The following RPL7A variants were observed in gnomAD, a reference collection of about 807,000 sequenced individuals.
RPL7A encodes ribosomal protein L7a.
For missense variants in RPL7A, 291 were observed against 338.2 expected, an observed-to-expected ratio of 0.86 and a Z score of 1.09; for synonymous variants, 158 against 128.2, an observed-to-expected ratio of 1.23 and a Z score of -1.57.
Position 133,349,896 on chromosome 9 carries a change from AAG to A in RPL7A, c.275-13_275-12del, listed in dbSNP as rs1430486903. On this transcript the variant is annotated splice_polypyrimidine_tract_variant and intron_variant, in intron 3 of 7. Coordinates refer to ENST00000323345, the MANE Select transcript of RPL7A (RefSeq NM_000972.3). The stretch of plus-strand genomic sequence containing the variant: ...GAACCTTGACTCCAAGCCTAAACTG[AAG>A]AGTGTTTTTCCAGCTACTCAGCTGC... 2 of 1,610,728 alleles carry A rather than the reference AAG, an allele frequency of 1.2e-6. No homozygotes were observed. Among genetic ancestry groups the A allele is most frequent in the Non-Finnish European group, 1.7e-6 (2 of 1,179,676 alleles).
At chr9:133,349,315 C>A in intron 2 of RPL7A, 1 of 801,486 alleles carries the variant, frequency 1.2e-6, no homozygotes, top group African/African-American at 1.7e-5. Context: ...ACTAGGACTG[C>A]AATTCTGCTG....
chr9:133,350,919 G>A (rs2129996952), intron 6 of RPL7A, 83 bp from the exon 7 acceptor site: 2 of 1,530,740 alleles, frequency 1.3e-6, no homozygotes, highest in Non-Finnish European at 1.8e-6. Flanking sequence ...GCAAAAGACT[G>A]TCTTGAGCTA....
intron 5 of RPL7A, 46 bp downstream of exon 5, chr9:133,350,365 C>G (rs1836357596): frequency 6.2e-7 from 1 of 1,602,180 alleles, no homozygotes. Flanking sequence ...CTGGCAGTAC[C>G]AGGAAGAGAG....
chr9:133,348,619 T>C (rs2129979540), intron 1 of RPL7A: 38,662 of 624,292 alleles, frequency 0.062, 1,480 homozygotes, highest in Non-Finnish European at 0.083. Context: ...CTAGAGCCTG[T>C]GGGGCCGCGA....
chr9:133,348,282 G>A lies in RPL7A; in HGVS notation c.3+36G>A, dbSNP rs2129977701. 6.8e-6 allele frequency: 11 copies of A among 1,613,904 alleles called. No homozygotes were observed. The South Asian group carries it at 8.8e-5, about 13-fold the overall frequency. ...TGTAGTTCCGTGGCACTATAGCCAG[G>A]TTCCGGCTGTATCCGCTGCCATCCT... On this transcript the variant is annotated intron_variant, in intron 1 of 7. Transcript: ENST00000323345.
chr9:133,348,674 C>T (rs1473201058), intron 1 of RPL7A: 1 of 700,780 alleles, frequency 1.4e-6, no homozygotes, highest in Non-Finnish European at 2.6e-6. Context: ...GTGGGCGACG[C>T]GAAGAGAGCG....
chr9:133,348,632 C>G (rs1179500208), intron 1 of RPL7A: 2 of 647,176 alleles, frequency 3.1e-6, no homozygotes, highest in African/African-American at 3.6e-5. Context: ...GGCCGCGACT[C>G]AGAGGAGTCA....
chr9:133,348,633 A>T, intron 1 of RPL7A: 1 of 648,210 alleles, frequency 1.5e-6, no homozygotes, highest in Non-Finnish European at 2.8e-6. Context: ...GCCGCGACTC[A>T]GAGGAGTCAT....
chr9:133,350,898 T>C (rs1246627960), intron 6 of RPL7A, 104 bp from the exon 7 acceptor site: 4 of 1,489,090 alleles, frequency 2.7e-6, no homozygotes, highest in African/African-American at 2.8e-5. Flanking sequence ...GTGGTCAGCA[T>C]TGCATCTGAG....
In RPL7A at chr9:133,349,719, G is replaced by A; in HGVS notation, c.274+19G>A. 1 of 1,612,212 alleles carries A rather than the reference G, an allele frequency of 6.2e-7. No homozygotes were observed. Among genetic ancestry groups the A allele is most frequent in the Non-Finnish European group, 8.5e-7 (1 of 1,178,816 alleles). On this transcript the variant is annotated intron_variant, in intron 3 of 7. Transcript: ENST00000323345. ...CAAACAGGTGAGGTTCTGTGGCGTG[G>A]AAAGGAGTTTCTCAGGCAAGGATTC... is the stretch of plus-strand genomic sequence containing the variant.
intron 4 of RPL7A, 22 bp downstream of exon 4, chr9:133,350,074 G>T (rs2129991082): frequency 6.2e-7 from 1 of 1,613,972 alleles, no homozygotes; most frequent in South Asian, 1.1e-5. Context: ...CCACCTTAGG[G>T]TGAACACTGG....
rs2129991020 is a variant in RPL7A at position 133,350,070 on chromosome 9, TA to T, written c.415+19del. 2.5e-6 allele frequency: 4 copies of T among 1,613,912 alleles called. No individual in the cohort carries two copies. The highest frequency in any genetic ancestry group is 3.4e-6 in the Non-Finnish European group (4 of 1,180,012). On this transcript the variant is annotated intron_variant, in intron 4 of 7. Coordinates refer to ENST00000323345, the MANE Select transcript of RPL7A (RefSeq NM_000972.3). Reference sequence around the variant, plus strand: ...TCGAGCAGGTGAGTAGGCCCCACCTTAGGGTGAACACTGGGGGCGGGCTGTT... The same window carrying T: ...TCGAGCAGGTGAGTAGGCCCCACCTTGGGTGAACACTGGGGGCGGGCTGTT...
At position 133,350,744 on chromosome 9, in the gene RPL7A, G is replaced by A. The variant is rs1836374608; in HGVS notation, c.626+17G>A. 6.2e-7 allele frequency: 1 copy of A among 1,610,286 alleles called. No individual in the cohort carries two copies. On this transcript the variant is annotated intron_variant, in intron 6 of 7. Coordinates refer to ENST00000323345, the MANE Select transcript of RPL7A (RefSeq NM_000972.3). ...GGTGAACTCGTAAGTACACAGCCTG[G>A]CCCCAAACTTCCCCCCAGTTCATTT... is the stretch of plus-strand genomic sequence containing the variant.
Position 133,349,638 on chromosome 9 carries a change from A to T in RPL7A, c.212A>T (p.Tyr71Phe). ...IRLQRQRAIL[Y>F]KRLKVPPAIN... ...TTGCAGCGGCAGAGAGCCATCCTCT[A>T]TAAGCGGCTGAAAGTGCCTCCTGCG... Residue 71 changes from tyrosine (Y) to phenylalanine (F), a missense_variant, in exon 3 of 8, where the codon TAT (tyrosine) becomes TTT (phenylalanine). By Grantham distance (22) the Tyr-to-Phe change is conservative (BLOSUM62 3). Transcript: ENST00000323345. 6.2e-7 allele frequency: 1 copy of T among 1,614,064 alleles called. No individual in the cohort carries two copies.
In RPL7A at chr9:133,348,227, T is replaced by G. The variant is rs2129976919; in HGVS notation, c.-17T>G. 5.0e-6 allele frequency: 8 copies of G among 1,613,806 alleles called. No homozygotes were observed. The African/African-American group carries it at 8.0e-5, about 16-fold the overall frequency. On this transcript the variant is annotated 5_prime_UTR_variant, in exon 1 of 8. Coordinates refer to ENST00000323345, the MANE Select transcript of RPL7A (RefSeq NM_000972.3). The stretch of plus-strand genomic sequence containing the variant: ...CCCACAATTCCCTTTCCTTTCTCTC[T>G]CCTCCCGCCGCCCAAGATGGTGAGT...
At chr9:133,349,514 A>AT (rs1306963669) in intron 2 of RPL7A, 37 bp from the exon 3 acceptor site, 1 of 1,613,856 alleles carries the variant, frequency 6.2e-7, no homozygotes, top group East Asian at 2.2e-5. Flanking sequence ...TTGACATGGA[A>AT]TTTGAGCCTC....
In RPL7A at chr9:133,349,539, T is replaced by G. The variant is rs1415104043; in HGVS notation, c.125-12T>G. 7.4e-6 allele frequency: 12 copies of G among 1,613,922 alleles called. No homozygotes were observed. Among genetic ancestry groups the G allele is most frequent in the Non-Finnish European group, 1.0e-5 (12 of 1,179,952 alleles). Reference sequence around the variant, plus strand: ...ATTTGAGCCTCACTCGGTGTCACCCTTTACTTCTCAGGACAGGACATCCAG... The same window carrying G: ...ATTTGAGCCTCACTCGGTGTCACCCGTTACTTCTCAGGACAGGACATCCAG... On this transcript the variant is annotated splice_polypyrimidine_tract_variant and intron_variant, in intron 2 of 7. Coordinates refer to ENST00000323345, the MANE Select transcript of RPL7A (RefSeq NM_000972.3).
intron 1 of RPL7A, chr9:133,348,525 C>G: frequency 1.7e-6 from 1 of 602,208 alleles, no homozygotes; most frequent in Non-Finnish European, 2.9e-6. Context: ...GTGCGGGGCT[C>G]GGAGCCCTAG....
intron 6 of RPL7A, 119 bp downstream of exon 6, chr9:133,350,846 T>G (rs1302512974): frequency 6.5e-7 from 1 of 1,550,040 alleles, no homozygotes; most frequent in Non-Finnish European, 8.9e-7. Context: ...ATCTGAACTT[T>G]TGCCAATGAT....
Sources: allele counts gnomAD v4.1 joint callset, GRCh38; gene constraint gnomAD v4.1.1; transcripts MANE v1.5; gene names NCBI Gene and HGNC (gene_info 2026-07-23, HGNC 2026-07-21).